EXOSC2: variants seen among roughly 807,000 people sequenced by gnomAD.
EXOSC2 encodes exosome component 2, also known as exosome complex component RRP4.
A neutral mutation model predicts 37.6 loss-of-function variants in EXOSC2; 29 were observed. That is an observed-to-expected ratio of 0.77 (90% CI 0.57 to 1.05). EXOSC2 has a LOEUF of 1.05. Ranked by LOEUF, EXOSC2 falls within the 50% of genes least tolerant of loss-of-function variation. The probability of loss-of-function intolerance (pLI) is 0.00; values close to 1 mark genes in which losing one functional copy is unlikely to be tolerated. For synonymous variants in EXOSC2, 119 were observed against 131.1 expected (o/e 0.91, Z 0.63); for missense variants, 346 against 365.6 (o/e 0.95, Z 0.44).
Position 130,703,971 on chromosome 9 carries a change from C to T in EXOSC2, c.*197C>T. ...CTGGGTGGCAGATGAACAGTGCTTC[C>T]TTGGGTTGCCAGCTGAGTCCCGGTA... is the stretch of plus-strand genomic sequence containing the variant. On this transcript the variant is annotated 3_prime_UTR_variant, in exon 9 of 9. Coordinates refer to ENST00000372358, the MANE Select transcript of EXOSC2 (RefSeq NM_014285.7). The T allele has an allele frequency of 2.2e-6, 1 of 451,476 alleles. No homozygotes were observed. The highest frequency in any genetic ancestry group is 4.6e-5 in the South Asian group (1 of 21,650). 28.0% of individuals were successfully genotyped at this position (451,476 alleles called of 1,614,324 possible).
intron 5 of EXOSC2, chr9:130,699,737 C>A (rs1012449838): frequency 2.5e-4 from 59 of 235,618 alleles, no homozygotes; most frequent in Non-Finnish European, 4.6e-4. Flanking sequence ...TGTGGTGACT[C>A]ATGCCTGTAA....
upstream of EXOSC2, chr9:130,693,768 C>T: frequency 6.3e-7 from 1 of 1,590,540 alleles, no homozygotes; most frequent in South Asian, 1.1e-5. Context: ...CTGAGCTGCG[C>T]CTGCGCAACT....
At position 130,698,313 on chromosome 9, in the gene EXOSC2, C is replaced by T. The variant is rs745728613; in HGVS notation, c.360+62C>T. On this transcript the variant is annotated intron_variant, in intron 4 of 8. Coordinates refer to ENST00000372358, the MANE Select transcript of EXOSC2 (RefSeq NM_014285.7). The surrounding 1 kb of genome is among the most constrained non-coding windows in gnomAD (Gnocchi z 4.1). Reference sequence around the variant, plus strand: ...GTGGGCTGGGGGGAGCCGTGGGACCCTTTGTTCCACCAGAGGACTTTGATT... The same window carrying T: ...GTGGGCTGGGGGGAGCCGTGGGACCTTTTGTTCCACCAGAGGACTTTGATT... 10 of 1,468,466 alleles carry T rather than the reference C, an allele frequency of 6.8e-6. No individual in the cohort carries two copies. The highest frequency in any genetic ancestry group is 9.5e-6 in the Non-Finnish European group (10 of 1,054,358). 91.0% of individuals were successfully genotyped at this position (1,468,466 alleles called of 1,614,324 possible). A position where few individuals can be genotyped will look rare whatever the true frequency, so the allele number is the denominator to read the frequency against.
chr9:130,695,789 T>TCCAAG (rs1564255164), intron 2 of EXOSC2, among the ~76,000 whole-genome samples, 196 bp downstream of exon 2: 1 of 151,190 alleles, frequency 6.6e-6, no homozygotes, highest in Non-Finnish European at 1.5e-5. Context: ...ATGTCACCAC[T>TCCAAG]CCAAGCCTTG....
intron 6 of EXOSC2, 148 bp downstream of exon 6, chr9:130,701,083 TA>T: frequency 1.4e-6 from 1 of 697,312 alleles, no homozygotes; most frequent in South Asian, 1.8e-5. Flanking sequence ...TCGTGTTCCT[TA>T]AACGTAACAT....
intron 2 of EXOSC2, among the ~76,000 whole-genome samples, chr9:130,697,365 A>T (rs1293829195): frequency 1.3e-5 from 2 of 152,230 alleles, no homozygotes; most frequent in African/African-American, 4.8e-5. Context: ...TGGAATGGTG[A>T]TATGTCTAAG....
In EXOSC2 at chr9:130,703,833, G is replaced by T; in HGVS notation, c.*59G>T. ...TGCAGGAGTGAAGACTGTGATGTGT[G>T]GTCCCCATATGTGGCTCAGCAAAGA... On this transcript the variant is annotated 3_prime_UTR_variant, in exon 9 of 9. Coordinates refer to ENST00000372358, the MANE Select transcript of EXOSC2 (RefSeq NM_014285.7). The T allele has an allele frequency of 7.2e-7, 1 of 1,383,906 alleles. No homozygotes were observed. The highest frequency in any genetic ancestry group is 1.2e-5 in the South Asian group (1 of 80,284). 85.7% of individuals were successfully genotyped at this position (1,383,906 alleles called of 1,614,324 possible). A position where few individuals can be genotyped will look rare whatever the true frequency, so the allele number is the denominator to read the frequency against.
chr9:130,699,516 C>A, intron 5 of EXOSC2, 122 bp downstream of exon 5: 4 of 993,930 alleles, frequency 4.0e-6, no homozygotes, highest in East Asian at 2.4e-5. Context: ...AGTCTTAGAC[C>A]AAGTGTCGGG....
chr9:130,701,150 T>G, intron 6 of EXOSC2: 1 of 495,330 alleles, frequency 2.0e-6, no homozygotes, highest in South Asian at 2.5e-5. Context: ...AGAACAAGTT[T>G]TATCCTTTTT....
chr9:130,697,494 C>A, intron 2 of EXOSC2, 88 bp from the exon 3 acceptor site: 1 of 1,307,778 alleles, frequency 7.6e-7, no homozygotes, highest in Non-Finnish European at 1.1e-6. Context: ...CAGGCTTTCA[C>A]CCTGTTGAAC....
In EXOSC2 at chr9:130,695,527, T is replaced by C. The variant is rs1831073510; in HGVS notation, c.158T>C (p.Ile53Thr). The change falls in exon 2 of 9, where the codon ATT becomes ACT. Residue 53 changes from isoleucine to threonine, a missense_variant. By Grantham distance (89) the Ile-to-Thr change is moderately conservative. Transcript: ENST00000372358. ...ACGTATATGGGAGAAGAGAAGCTCA[T>C]TGCATCTGTTGCTGGCTCTGTGGAG... ...HGTYMGEEKLIASVAGSVERV... is the reference protein window; with the variant it reads ...HGTYMGEEKLTASVAGSVERV... 1 of 1,614,108 alleles carries C rather than the reference T, an allele frequency of 6.2e-7. No homozygotes were observed. Among genetic ancestry groups the C allele is most frequent in the African/African-American group, 1.3e-5 (1 of 74,954 alleles).
intron 2 of EXOSC2, 112 bp from the exon 3 acceptor site, chr9:130,697,470 T>C: frequency 1.0e-6 from 1 of 991,258 alleles, no homozygotes; most frequent in Admixed American, 1.8e-5. Flanking sequence ...ATTTGCTGAA[T>C]GTGGCGCCTG....
chr9:130,695,382 C>A, intron 1 of EXOSC2, 110 bp from the exon 2 acceptor site: 1 of 906,954 alleles, frequency 1.1e-6, no homozygotes, highest in Non-Finnish European at 1.8e-6. Context: ...ACAGAAGCCA[C>A]GCTTTGCAGG....
At chr9:130,702,057 G>T in intron 6 of EXOSC2, 77 bp from the exon 7 acceptor site, 2 of 1,530,376 alleles carry the variant, frequency 1.3e-6, no homozygotes, top group Admixed American at 2.1e-5. Flanking sequence ...ATATACTTAG[G>T]ATGTATATTC....
Position 130,698,086 on chromosome 9 carries a change from A to G in EXOSC2, c.271-76A>G, listed in dbSNP as rs2132632572. 1.4e-6 allele frequency: 2 copies of G among 1,412,142 alleles called. No individual in the cohort carries two copies. Among genetic ancestry groups the G allele is most frequent in the Admixed American group, 3.4e-5 (2 of 59,404 alleles). The allele number at this position is 1,412,142 out of a possible 1,614,324, so 87.5% of individuals were successfully genotyped here. Reference sequence around the variant, plus strand: ...TGGGATTACAGGCGTGAGCCACCACATCTGGCCTTACTGGTTATTTATGAT... The same window carrying G: ...TGGGATTACAGGCGTGAGCCACCACGTCTGGCCTTACTGGTTATTTATGAT... On this transcript the variant is annotated intron_variant, in intron 3 of 8. Coordinates refer to ENST00000372358, the MANE Select transcript of EXOSC2 (RefSeq NM_014285.7). The surrounding 1 kb of genome is among the most constrained non-coding windows in gnomAD (Gnocchi z 4.1).
intron 6 of EXOSC2, chr9:130,701,632 C>T (rs543228145): frequency 1.4e-5 from 14 of 986,370 alleles, no homozygotes; most frequent in African/African-American, 1.4e-4. Flanking sequence ...CTGGGTCCTG[C>T]GGACTCTTCC....
At chr9:130,700,319 T>G (rs940684263) in intron 5 of EXOSC2, among the ~76,000 whole-genome samples, 8 of 149,978 alleles carry the variant, frequency 5.3e-5, no homozygotes, top group African/African-American at 2.0e-4. Context: ...ATGCCTGGCC[T>G]CTGTCTTTAT....
At chr9:130,701,504 C>A in intron 6 of EXOSC2, 1 of 723,354 alleles carries the variant, frequency 1.4e-6, no homozygotes, top group Non-Finnish European at 1.7e-6. Flanking sequence ...TCTGGGTGAA[C>A]GTTTTTATTT....
At position 130,703,083 on chromosome 9, in the gene EXOSC2, T is replaced by C; in HGVS notation, c.703T>C (p.Ser235Pro). The C allele has an allele frequency of 6.2e-7, 1 of 1,613,962 alleles. No individual in the cohort carries two copies. Among genetic ancestry groups the C allele is most frequent in the Non-Finnish European group, 8.5e-7 (1 of 1,179,942 alleles). The change falls in exon 8 of 9, where the codon TCC (serine) becomes CCC (proline). Residue 235 changes from serine to proline, a missense_variant. Coordinates refer to ENST00000372358, the MANE Select transcript of EXOSC2 (RefSeq NM_014285.7). ...PVSLADREVI[S>P]RLRNCIISLV... is the part of the protein sequence containing the mutation. ...CTCTCTTGCTGATCGAGAGGTGATATCCCGGCTTCGGAACTGCATCATCTC... is the reference window on the plus strand; with the variant it reads ...CTCTCTTGCTGATCGAGAGGTGATACCCCGGCTTCGGAACTGCATCATCTC...
Sources: gnomAD v4.1 joint callset for allele counts (sites outside exome capture counted in the v4.1 genomes callset) on GRCh38, gnomAD v4.1.1 for gene constraint, Gnocchi (gnomAD v3.1) non-coding constraint, MANE v1.5 for transcripts, NCBI Gene and HGNC (gene_info 2026-07-23, HGNC 2026-07-21) for gene names.